Variants in PLEKHA8 observed in about 807,000 individuals in gnomAD.
PLEKHA8 encodes pleckstrin homology domain containing A8, also known as pleckstrin homology domain-containing family A member 8.
A neutral mutation model predicts 68.2 loss-of-function variants in PLEKHA8; 36 were observed. That is an observed-to-expected ratio of 0.53 (90% CI 0.40 to 0.70). The LOEUF is 0.70. PLEKHA8 is among the 30% of genes least tolerant of loss of function. PLEKHA8 has a pLI of 0.00. For synonymous variants in PLEKHA8, 211 were observed against 216.1 expected, an observed-to-expected ratio of 0.98 and a Z score of 0.20; for missense variants, 505 against 615.4, an observed-to-expected ratio of 0.82 and a Z score of 1.90.
intron 1 of PLEKHA8, among the ~76,000 whole-genome samples, chr7:30,044,865 T>G (rs1243896842): frequency 6.6e-6 from 1 of 152,252 alleles, no homozygotes. Flanking sequence ...TGTAATCCTG[T>G]GACTAAAAAA....
intron 13 of PLEKHA8, among the ~76,000 whole-genome samples, chr7:30,117,053 A>G (rs775750004): frequency 3.3e-5 from 5 of 152,198 alleles, no homozygotes; most frequent in Non-Finnish European, 7.3e-5. Flanking sequence ...GCCTTCCAGC[A>G]TCTGTGCCCA....
At chr7:30,065,725 AC>A (rs1428172855) in intron 12 of PLEKHA8, among the ~76,000 whole-genome samples, 1 of 152,198 alleles carries the variant, frequency 6.6e-6, no homozygotes, top group African/African-American at 2.4e-5. Flanking sequence ...CTTACAGAGC[AC>A]CCAGTGTAAC....
At chr7:30,056,308 C>CTATATATATATA (rs1231941889) in intron 9 of PLEKHA8, among the ~76,000 whole-genome samples, 1 of 83,218 alleles carries the variant, frequency 1.2e-5, no homozygotes, top group African/African-American at 4.2e-5. Flanking sequence ...CTCTCTCTCT[C>CTATATATATATA]TCTCTATATA....
chr7:30,053,007 G>A, intron 7 of PLEKHA8, 141 bp downstream of exon 7: 1 of 633,728 alleles, frequency 1.6e-6, no homozygotes, highest in Non-Finnish European at 2.5e-6. Flanking sequence ...GGTAAGATAA[G>A]TCATATGACT....
chr7:30,090,210 C>G (rs368450760), exon 13 of PLEKHA8: 4 of 1,545,718 alleles, frequency 2.6e-6, no homozygotes, highest in Non-Finnish European at 3.5e-6. Context: ...TCCTGAACTT[C>G]AAGAATGAAG....
At chr7:30,119,534 T>C (rs1049594191) in intron 13 of PLEKHA8, among the ~76,000 whole-genome samples, 1 of 152,208 alleles carries the variant, frequency 6.6e-6, no homozygotes, top group Admixed American at 6.5e-5. Context: ...ATGCTCCGAA[T>C]TGGAAGTCTC....
At chr7:30,119,553 G>A (rs1311414589) in intron 13 of PLEKHA8, among the ~76,000 whole-genome samples, 1 of 152,228 alleles carries the variant, frequency 6.6e-6, no homozygotes, top group African/African-American at 2.4e-5. Flanking sequence ...TCATTAATAA[G>A]AGCACTCTCC....
In PLEKHA8 at chr7:30,104,369, C is replaced by T. The variant is rs374351389; in HGVS notation, c.1363-24897C>T. 9.8e-5 allele frequency among the ~76,000 whole-genome samples: 15 copies of T among 152,324 alleles called. No individual in the cohort carries two copies. In the South Asian group the frequency reaches 3.1e-3, roughly 32 times the overall value. Reference sequence around the variant, plus strand: ...TTCCATAATAGCCCCAATGACCCATCTTCTCCTAGAAGATACATTCTGCCT... The same window carrying T: ...TTCCATAATAGCCCCAATGACCCATTTTCTCCTAGAAGATACATTCTGCCT... On this transcript the variant is annotated intron_variant, in intron 13 of 13. Transcript: ENST00000396257.
intron 10 of PLEKHA8, 93 bp from the exon 11 acceptor site, chr7:30,061,804 C>G: frequency 7.0e-7 from 1 of 1,422,578 alleles, no homozygotes; most frequent in Non-Finnish European, 9.6e-7. Context: ...TCTTAGAGGC[C>G]TGCTTGCCAA....
intron 12 of PLEKHA8, 52 bp from the exon 13 acceptor site, chr7:30,074,019 C>A: frequency 1.4e-6 from 2 of 1,456,512 alleles, no homozygotes; most frequent in Admixed American, 1.8e-5. Flanking sequence ...ATACAAATAG[C>A]ACATCAAATT....
At chr7:30,090,702 A>AT in exon 13 of PLEKHA8, 3 of 671,738 alleles carry the variant, frequency 4.5e-6, no homozygotes, top group Non-Finnish European at 5.5e-6. Flanking sequence ...AATTTCTTAA[A>AT]TTTTTTGGTA....
Position 30,056,773 on chromosome 7 carries a change from GTGTGTGTGTGTGTA to G in PLEKHA8, c.1039+1433_1039+1446del, listed in dbSNP as rs1380244092. Among the ~76,000 whole-genome samples the G allele has an allele frequency of 2.5e-3, 324 of 131,980 alleles. 5 individuals are homozygous for G. The highest frequency in any genetic ancestry group is 7.7e-3 in the African/African-American group (260 of 33,604). The allele number at this position is 131,980 out of a possible 152,430, so 86.6% of individuals were successfully genotyped here. A position where few individuals can be genotyped will look rare whatever the true frequency, so the allele number is the denominator to read the frequency against. On this transcript the variant is annotated intron_variant, in intron 9 of 13. Transcript: ENST00000449726. Reference sequence around the variant, plus strand: ...TGTGTGTGTGTGTGTGTGTGTGTGTGTGTGTGTGTGTGTATATATATATGTTATGTGTATATATA... The same window carrying G: ...TGTGTGTGTGTGTGTGTGTGTGTGTGTATATATATGTTATGTGTATATATA...
downstream of PLEKHA8, among the ~76,000 whole-genome samples, chr7:30,095,424 A>C (rs1795574196): frequency 1.3e-5 from 2 of 152,228 alleles, no homozygotes; most frequent in African/African-American, 4.8e-5. Flanking sequence ...TCTGGATATT[A>C]GCCCTTTATC....
chr7:30,099,938 A>C (rs1795787735), intron 13 of PLEKHA8, among the ~76,000 whole-genome samples: 1 of 152,240 alleles, frequency 6.6e-6, no homozygotes, highest in Admixed American at 6.5e-5. Flanking sequence ...GGAGACTGGA[A>C]GTCCAAAACT....
intron 13 of PLEKHA8, among the ~76,000 whole-genome samples, chr7:30,078,050 A>G (rs1399456197): frequency 6.6e-6 from 1 of 152,244 alleles, no homozygotes; most frequent in East Asian, 1.9e-4. Flanking sequence ...TTAAAGCATC[A>G]GCGCACAAGC....
chr7:30,036,866 G>A (rs1473461335), intron 1 of PLEKHA8, among the ~76,000 whole-genome samples: 1 of 152,146 alleles, frequency 6.6e-6, no homozygotes, highest in Non-Finnish European at 1.5e-5. Context: ...CTATAATTTA[G>A]CTAATGCTTG....
intron 13 of PLEKHA8, among the ~76,000 whole-genome samples, chr7:30,113,772 C>A (rs1386398672): frequency 6.6e-6 from 1 of 152,182 alleles, no homozygotes; most frequent in African/African-American, 2.4e-5. Flanking sequence ...TATTGCTGCA[C>A]TTAGCACAAT....
intron 12 of PLEKHA8, among the ~76,000 whole-genome samples, chr7:30,066,613 C>G (rs1458604437): frequency 1.3e-5 from 2 of 152,210 alleles, no homozygotes; most frequent in Non-Finnish European, 2.9e-5. Flanking sequence ...CTGAGTCCCC[C>G]TCTCCATTGC....
chr7:30,048,386 C>T (rs1792134320), intron 4 of PLEKHA8, among the ~76,000 whole-genome samples: 1 of 152,146 alleles, frequency 6.6e-6, no homozygotes, highest in Non-Finnish European at 1.5e-5. Flanking sequence ...AACTTATTGT[C>T]TTTCATTGAT....
Sources: allele counts gnomAD v4.1 joint callset (sites outside exome capture counted in the v4.1 genomes callset), GRCh38; gene constraint gnomAD v4.1.1; transcripts MANE v1.5; gene names NCBI Gene and HGNC (gene_info 2026-07-23, HGNC 2026-07-21).